Variants in CYB5D2 observed in about 807,000 individuals in gnomAD.
CYB5D2 encodes the protein neuferricin.
A neutral mutation model predicts 22.8 loss-of-function variants in CYB5D2; 23 were observed. The ratio of observed to expected loss-of-function variants is 1.01; its 90% CI spans 0.73 to 1.43. The LOEUF (loss-of-function observed/expected upper bound fraction) is 1.43, where lower values mean the gene tolerates loss of function less well. Ranked by LOEUF, CYB5D2 falls within the 40% of genes most tolerant of loss-of-function variation. CYB5D2 has a pLI of 0.00. For missense variants in CYB5D2, 373 were observed against 357.2 expected (o/e 1.04, Z -0.36); for synonymous variants, 170 against 152.2 (o/e 1.12, Z -0.86).
intron 2 of CYB5D2, 27 bp downstream of exon 2, chr17:4,150,058 C>T (rs1475384981): frequency 6.2e-7 from 1 of 1,612,512 alleles, no homozygotes; most frequent in Non-Finnish European, 8.5e-7. Flanking sequence ...TCATACATTT[C>T]ATTTGGTTGT....
Position 4,146,186 on chromosome 17 carries a change from C to T in CYB5D2, c.250+2181C>T, listed in dbSNP as rs552467493. 3.3e-4 allele frequency among the ~76,000 whole-genome samples: 50 copies of T among 152,138 alleles called. 1 individual carries two copies. The highest frequency in any genetic ancestry group is 1.2e-3 in the African/African-American group (49 of 41,478). On this transcript the variant is annotated intron_variant, in intron 1 of 3. Transcript: ENST00000301391. ...TCTTGGCTTACTGCAACCTCTGCCT[C>T]CCGGGTTCAATATTCTTGTGCCCCA...
At chr17:4,150,433 G>A (rs966982396) in intron 2 of CYB5D2, among the ~76,000 whole-genome samples, 4 of 152,174 alleles carry the variant, frequency 2.6e-5, no homozygotes, top group African/African-American at 7.2e-5. Flanking sequence ...GGTCCTCTAG[G>A]AGGAGACAAA....
intron 2 of CYB5D2, among the ~76,000 whole-genome samples, chr17:4,153,076 C>T (rs966658718): frequency 7.2e-5 from 11 of 152,174 alleles, no homozygotes; most frequent in Admixed American, 3.3e-4. Flanking sequence ...CTGCGCCTGG[C>T]GCTAAGCTGT....
In CYB5D2 at chr17:4,145,928, A is replaced by G. The variant is rs979105310; in HGVS notation, c.250+1923A>G. Reference sequence around the variant, plus strand: ...ATCCTTCCACTTCAGCCTCCCAAGTAGCGGGGACCATAGGTGTGCACCATC... The same window carrying G: ...ATCCTTCCACTTCAGCCTCCCAAGTGGCGGGGACCATAGGTGTGCACCATC... On this transcript the variant is annotated intron_variant, in intron 1 of 3. Coordinates refer to ENST00000301391, the MANE Select transcript of CYB5D2 (RefSeq NM_144611.4). Among the ~76,000 whole-genome samples the G allele has an allele frequency of 3.3e-5, 5 of 151,868 alleles. No homozygotes were observed. In the South Asian group the frequency reaches 1.0e-3, roughly 32 times the overall value.
intron 3 of CYB5D2, among the ~76,000 whole-genome samples, chr17:4,155,927 G>A (rs2059108638): frequency 6.6e-6 from 1 of 152,232 alleles, no homozygotes; most frequent in Non-Finnish European, 1.5e-5. Flanking sequence ...CCTCAGCTCA[G>A]TTTGTTGTCT....
Position 4,143,679 on chromosome 17 carries a change from A to G in CYB5D2, c.-77A>G. 2 of 1,519,944 alleles carry G rather than the reference A, an allele frequency of 1.3e-6. No homozygotes were observed. Among genetic ancestry groups the G allele is most frequent in the Non-Finnish European group, 1.8e-6 (2 of 1,133,768 alleles). The allele number at this position is 1,519,944 out of a possible 1,614,324, so 94.2% of individuals were successfully genotyped here. On this transcript the variant is annotated 5_prime_UTR_variant, in exon 1 of 4. Transcript: ENST00000301391. Reference sequence around the variant, plus strand: ...CGAGAGCGCGCGCGCCGATGACGTCACGCTCGGCGTCTCGGCCATCTTAGC... The same window carrying G: ...CGAGAGCGCGCGCGCCGATGACGTCGCGCTCGGCGTCTCGGCCATCTTAGC...
chr17:4,151,157 T>C (rs1470824170), intron 2 of CYB5D2: 1 of 152,176 alleles, frequency 6.6e-6, no homozygotes, highest in African/African-American at 2.4e-5. Context: ...CAATCATGGC[T>C]TTTTCATAAT....
At chr17:4,144,723 A>G (rs1321771000) in intron 1 of CYB5D2, among the ~76,000 whole-genome samples, 2 of 152,178 alleles carry the variant, frequency 1.3e-5, no homozygotes, top group African/African-American at 4.8e-5. Flanking sequence ...AGGGGGTTAA[A>G]GGATGCGATT....
intron 1 of CYB5D2, among the ~76,000 whole-genome samples, chr17:4,147,305 A>G (rs1190221744): frequency 6.6e-6 from 1 of 152,184 alleles, no homozygotes; most frequent in African/African-American, 2.4e-5. Context: ...AATTCGTTTG[A>G]TATTTACTGG....
chr17:4,150,448 G>A (rs1450130859), intron 2 of CYB5D2, among the ~76,000 whole-genome samples: 3 of 152,176 alleles, frequency 2.0e-5, no homozygotes, highest in South Asian at 2.1e-4. Context: ...GACAAACTTC[G>A]TGAGTGAGCT....
Position 4,145,015 on chromosome 17 carries a change from T to G in CYB5D2, c.250+1010T>G, listed in dbSNP as rs572999725. 2.0e-5 allele frequency among the ~76,000 whole-genome samples: 3 copies of G among 152,204 alleles called. No homozygotes were observed. The East Asian group carries it at 5.8e-4, about 29-fold the overall frequency. The stretch of plus-strand genomic sequence containing the variant: ...GTTAGCCAGGATGGTCTCGATCTCC[T>G]GACCTTATGATCCGCCCACCTTGGC... On this transcript the variant is annotated intron_variant, in intron 1 of 3. Coordinates refer to ENST00000301391, the MANE Select transcript of CYB5D2 (RefSeq NM_144611.4).
At chr17:4,149,817 A>G (rs1441381149) in intron 1 of CYB5D2, 74 bp from the exon 2 acceptor site, 1 of 1,549,866 alleles carries the variant, frequency 6.5e-7, no homozygotes, top group Non-Finnish European at 8.7e-7. Flanking sequence ...AAGAAAAAGA[A>G]AGAAAACAGA....
rs200416733 is a variant in CYB5D2 at position 4,154,810 on chromosome 17, C to T, written c.528C>T (p.Asn176=). ...LQEKQTFPPC[N]AEWSSARGSR... ...AGAAGCAGACATTCCCGCCGTGCAA[C>T]GCGGAGTGGAGCTCAGCCAGGGGCA... The change falls in exon 3 of 4, where the codon AAC becomes AAT. Residue 176 remains asparagine, a synonymous_variant. Transcript: ENST00000301391. The T allele has an allele frequency of 2.9e-5, 47 of 1,614,182 alleles. 1 individual carries two copies. In the East Asian group the frequency reaches 4.9e-4, roughly 17 times the overall value.
At chr17:4,150,612 C>T (rs2059045844) in intron 2 of CYB5D2, among the ~76,000 whole-genome samples, 1 of 152,254 alleles carries the variant, frequency 6.6e-6, no homozygotes, top group Admixed American at 6.5e-5. Context: ...AGGCCCGGCG[C>T]AGTGGCTCAC....
rs1173038740 is a variant in CYB5D2, at chr17:4,143,625, G to C, written c.-131G>C. On this transcript the variant is annotated 5_prime_UTR_variant, in exon 1 of 4. Coordinates refer to ENST00000301391, the MANE Select transcript of CYB5D2 (RefSeq NM_144611.4). ...AAAACGAGAGAGACTAAGGGAGGGA[G>C]CGCGAGCACTAGCGCGCGAGAGAGA... is the stretch of plus-strand genomic sequence containing the variant. 4 of 1,299,632 alleles carry C rather than the reference G, an allele frequency of 3.1e-6. No homozygotes were observed. In the East Asian group the frequency reaches 9.6e-5, roughly 31 times the overall value. The allele number at this position is 1,299,632 out of a possible 1,614,324, so 80.5% of individuals were successfully genotyped here.
rs1316389902 is a variant in CYB5D2, at chr17:4,143,711, T to TA, written c.-44dup. On this transcript the variant is annotated 5_prime_UTR_variant, in exon 1 of 4. Transcript: ENST00000301391. ...GCGTCTCGGCCATCTTAGCTGTAGA[T>TA]AGAGGCGGCAACCTCGGAAGTGCGG... 5 of 1,569,804 alleles carry TA rather than the reference T, an allele frequency of 3.2e-6. No individual in the cohort carries two copies. Among genetic ancestry groups the TA allele is most frequent in the Non-Finnish European group, 4.3e-6 (5 of 1,154,888 alleles).
At chr17:4,146,370 T>C (rs1271510613) in intron 1 of CYB5D2, among the ~76,000 whole-genome samples, 1 of 151,564 alleles carries the variant, frequency 6.6e-6, no homozygotes, top group Non-Finnish European at 1.5e-5. Context: ...GCTGGGATTA[T>C]AGGTATGAGC....
intron 1 of CYB5D2, among the ~76,000 whole-genome samples, chr17:4,148,526 A>C (rs1375711844): frequency 1.1e-5 from 1 of 94,408 alleles, no homozygotes; most frequent in Admixed American, 1.2e-4. Flanking sequence ...CAAAAAAAAA[A>C]AAAAAAAAAA....
rs949950718 is a variant in CYB5D2, at chr17:4,157,148, C to G, written c.*66C>G. 5 of 1,545,282 alleles carry G rather than the reference C, an allele frequency of 3.2e-6. No homozygotes were observed. Among genetic ancestry groups the G allele is most frequent in the Admixed American group, 1.8e-5 (1 of 55,796 alleles). The stretch of plus-strand genomic sequence containing the variant: ...CAAGCACCTGAGTAGGCCCTTGACA[C>G]TTGTGTGCCCTGGGATGCCTCCTGG... On this transcript the variant is annotated 3_prime_UTR_variant, in exon 4 of 4. Transcript: ENST00000301391. The surrounding 1 kb of genome is among the most constrained non-coding windows in gnomAD (Gnocchi z 4.4).
Sources: allele counts gnomAD v4.1 joint callset (sites outside exome capture counted in the v4.1 genomes callset), GRCh38; gene constraint gnomAD v4.1.1; non-coding constraint Gnocchi (gnomAD v3.1); transcripts MANE v1.5; gene names NCBI Gene and HGNC (gene_info 2026-07-23, HGNC 2026-07-21).